Variants in LAIR1 observed in about 807,000 individuals in gnomAD.
LAIR1 encodes leukocyte associated immunoglobulin like receptor 1, also known as leukocyte-associated immunoglobulin-like receptor 1.
Under a neutral mutation model 32.8 loss-of-function variants are expected in LAIR1, and 24 were observed. The ratio of observed to expected loss-of-function variants is 0.73; its 90% CI spans 0.53 to 1.03. The LOEUF is 1.03. Among genes scored for constraint, LAIR1 ranks in the 50% least tolerant of loss-of-function variants. The pLI is 0.00. For synonymous variants in LAIR1, 150 were observed against 140.5 expected, an observed-to-expected ratio of 1.07 and a Z score of -0.48; for missense variants, 355 against 347.5, an observed-to-expected ratio of 1.02 and a Z score of -0.17.
chr19:54,355,900 A>AT lies in LAIR1; in HGVS notation c.717+53dup, dbSNP rs1481999462. The AT allele has an allele frequency of 1.3e-5, 16 of 1,268,048 alleles. No individual in the cohort carries two copies. In the South Asian group the frequency reaches 1.3e-4, roughly 10 times the overall value. The allele number at this position is 1,268,048 out of a possible 1,614,324, so 78.5% of individuals were successfully genotyped here. A position where few individuals can be genotyped will look rare whatever the true frequency, so the allele number is the denominator to read the frequency against. ...TGAATTCCTAACCCAAGGAACTGAG[A>AT]TTTTTTTAAGCTGCTAAATTTGGGG... On this transcript the variant is annotated intron_variant, in intron 9 of 9. Coordinates refer to ENST00000391742, the MANE Select transcript of LAIR1 (RefSeq NM_002287.6). This position sits in a 1 kb window ranked among gnomAD's most constrained non-coding sequence, Gnocchi z 4.7.
At position 54,364,760 on chromosome 19, in the gene LAIR1, C is replaced by G. The variant is rs747200159; in HGVS notation, c.34+11G>C. On this transcript the variant is annotated intron_variant, in intron 1 of 9. Transcript: ENST00000391742. The surrounding 1 kb of genome is among the most constrained non-coding windows in gnomAD (Gnocchi z 4.8). ...CCCCTTTCCAGCCTCCCGGCTGCCTCCAGGACTCACCTAGGCCCAGGAGGG... is the reference window on the plus strand; with the variant it reads ...CCCCTTTCCAGCCTCCCGGCTGCCTGCAGGACTCACCTAGGCCCAGGAGGG... The G allele has an allele frequency of 3.1e-6, 5 of 1,612,912 alleles. No homozygotes were observed. Among genetic ancestry groups the G allele is most frequent in the Non-Finnish European group, 4.2e-6 (5 of 1,178,990 alleles).
In LAIR1 at chr19:54,355,429, C is replaced by T; in HGVS notation, c.718-15G>A. 1 of 1,585,474 alleles carries T rather than the reference C, an allele frequency of 6.3e-7. No individual in the cohort carries two copies. Among genetic ancestry groups the T allele is most frequent in the Non-Finnish European group, 8.6e-7 (1 of 1,166,248 alleles). ...GCAGCCAGGGCCTAAGAGGGAGAGA[C>T]CCAGGGTGAGGGAGTGCCTGGTGGA... On this transcript the variant is annotated splice_polypyrimidine_tract_variant and intron_variant, in intron 9 of 9. Transcript: ENST00000391742. The surrounding 1 kb of genome is among the most constrained non-coding windows in gnomAD (Gnocchi z 4.7).
Position 54,351,993 on chromosome 19 carries a change from C to T in LAIR1, c.*3275G>A, listed in dbSNP as rs554974566. On this transcript the variant is annotated 3_prime_UTR_variant, in exon 10 of 10. Coordinates refer to ENST00000391742, the MANE Select transcript of LAIR1 (RefSeq NM_002287.6). ...TCTTTCCCCTACTACAAAATCCCACCGCTGGGGTCCTGGTACCTACAGTGA... is the reference window on the plus strand; with the variant it reads ...TCTTTCCCCTACTACAAAATCCCACTGCTGGGGTCCTGGTACCTACAGTGA... 11 of 152,272 alleles carry T rather than the reference C, an allele frequency of 7.2e-5. No individual in the cohort carries two copies. Among genetic ancestry groups the T allele is most frequent in the African/African-American group, 9.6e-5 (4 of 41,550 alleles). 9.4% of individuals were successfully genotyped at this position (152,272 alleles called of 1,614,324 possible).
chr19:54,359,581 C>G (rs1375429031), intron 4 of LAIR1, among the ~76,000 whole-genome samples: 2 of 152,204 alleles, frequency 1.3e-5, no homozygotes. Flanking sequence ...AGGTGCAGAG[C>G]GGGGTGAATG....
intron 2 of LAIR1, among the ~76,000 whole-genome samples, chr19:54,361,865 C>G (rs4021846): frequency 2.9e-4 from 44 of 152,310 alleles, no homozygotes; most frequent in East Asian, 7.7e-4. Context: ...GCATTTCCTT[C>G]TTATTAAGGC....
At chr19:54,357,401 T>A (rs1439052025) in intron 4 of LAIR1, 1 of 159,442 alleles carries the variant, frequency 6.3e-6, no homozygotes, top group African/African-American at 2.4e-5. Flanking sequence ...CTTCCCTCCC[T>A]GACCTCCTTC....
chr19:54,368,915 G>T (rs1447305714), upstream of LAIR1, among the ~76,000 whole-genome samples: 1 of 150,998 alleles, frequency 6.6e-6, no homozygotes, highest in Admixed American at 6.6e-5. Flanking sequence ...TCGAACTCCC[G>T]ACCTCAGGTG....
At chr19:54,368,986 C>T (rs979355065), upstream of LAIR1, among the ~76,000 whole-genome samples, 2 of 151,134 alleles carry the variant, frequency 1.3e-5, no homozygotes, top group East Asian at 1.9e-4. Context: ...TGCACCCGGC[C>T]GACTAATTCA....
In LAIR1 at chr19:54,364,799, A is replaced by C. The variant is rs2082191838; in HGVS notation, c.6T>G (p.Ser2=). The C allele has an allele frequency of 1.9e-6, 3 of 1,614,000 alleles. No homozygotes were observed. Among genetic ancestry groups the C allele is most frequent in the Non-Finnish European group, 2.5e-6 (3 of 1,179,950 alleles). ...GGCCCAGGAGGGCGGTGGGGTGGGG[A>C]GACATGGCCCAGGTCCCAGCAGTGC... is the stretch of plus-strand genomic sequence containing the variant. M[S]PHPTALLGLV... Residue 2 remains serine, a synonymous_variant, in exon 1 of 10, where the codon TCT becomes TCG. Coordinates refer to ENST00000391742, the MANE Select transcript of LAIR1 (RefSeq NM_002287.6). This position sits in a 1 kb window ranked among gnomAD's most constrained non-coding sequence, Gnocchi z 4.8.
chr19:54,351,919 TAACA>T lies in LAIR1; in HGVS notation c.*3345_*3348del, dbSNP rs2081540529. The T allele has an allele frequency of 6.6e-6, 1 of 152,142 alleles. No individual in the cohort carries two copies. 9.4% of individuals were successfully genotyped at this position (152,142 alleles called of 1,614,324 possible). On this transcript the variant is annotated 3_prime_UTR_variant, in exon 10 of 10. Transcript: ENST00000391742. ...AAAAAAGTCCACCCTATAGTTTGTA[TAACA>T]AACATTCTCACTTGTTCATGCTGTA...
rs528724168 is a variant in LAIR1, at chr19:54,362,297, G to A, written c.71-1088C>T. ...GACGAAATTTTCTATCCTTTGACCAGCATCTCCCCAAACCCACCCATTTGT... is the reference window on the plus strand; with the variant it reads ...GACGAAATTTTCTATCCTTTGACCAACATCTCCCCAAACCCACCCATTTGT... On this transcript the variant is annotated intron_variant, in intron 2 of 9. Coordinates refer to ENST00000391742, the MANE Select transcript of LAIR1 (RefSeq NM_002287.6). 2.8e-3 allele frequency among the ~76,000 whole-genome samples: 432 copies of A among 152,190 alleles called. 1 individual carries two copies. The highest frequency in any genetic ancestry group is 0.01 in the African/African-American group (416 of 41,518).
upstream of LAIR1, chr19:54,368,080 T>G (rs1472714633): frequency 2.0e-5 from 3 of 152,126 alleles, no homozygotes; most frequent in African/African-American, 7.2e-5. Context: ...CCTAATTTTT[T>G]GTAATGCCTA....
upstream of LAIR1, among the ~76,000 whole-genome samples, chr19:54,374,453 C>T (rs1312328523): frequency 1.3e-5 from 2 of 152,120 alleles, no homozygotes; most frequent in African/African-American, 2.4e-5. Flanking sequence ...ACACGGCCCA[C>T]TCCGTTTCCT....
chr19:54,365,620 G>A (rs571307716), upstream of LAIR1, among the ~76,000 whole-genome samples: 3 of 152,170 alleles, frequency 2.0e-5, no homozygotes, highest in African/African-American at 7.2e-5. Flanking sequence ...GTGAAACCCT[G>A]TCTCTACTAA....
At chr19:54,375,171 C>T (rs1413853828), upstream of LAIR1, among the ~76,000 whole-genome samples, 2 of 152,234 alleles carry the variant, frequency 1.3e-5, no homozygotes, top group African/African-American at 4.8e-5. Context: ...CATCTCTGCT[C>T]CCTCTTCGAT....
upstream of LAIR1, among the ~76,000 whole-genome samples, chr19:54,365,300 C>T (rs1220568243): frequency 6.6e-6 from 1 of 151,886 alleles, no homozygotes; most frequent in Non-Finnish European, 1.5e-5. Flanking sequence ...AGGTATTTAA[C>T]ACGTTAAAAA....
At chr19:54,367,826 G>A (rs1448030359), upstream of LAIR1, among the ~76,000 whole-genome samples, 1 of 140,008 alleles carries the variant, frequency 7.1e-6, no homozygotes, top group African/African-American at 2.7e-5. Flanking sequence ...ACTGCGGACT[G>A]CAGTGGCGCA....
upstream of LAIR1, among the ~76,000 whole-genome samples, chr19:54,370,836 C>T (rs1160630202): frequency 6.6e-6 from 1 of 150,636 alleles, no homozygotes; most frequent in African/African-American, 2.5e-5. Context: ...ATCTCTGTCC[C>T]AATCCTTCTA....
chr19:54,364,783 G>A lies in LAIR1; in HGVS notation c.22C>T (p.Leu8Phe), dbSNP rs2082190075. The A allele has an allele frequency of 6.2e-7, 1 of 1,614,014 alleles. No homozygotes were observed. The highest frequency in any genetic ancestry group is 1.1e-5 in the South Asian group (1 of 91,070). The change falls in exon 1 of 10, where the codon CTC (leucine) becomes TTC (phenylalanine). Residue 8 changes from leucine to phenylalanine, a missense_variant. By Grantham distance (22) the Leu-to-Phe change is conservative. Transcript: ENST00000391742. This position sits in a 1 kb window ranked among gnomAD's most constrained non-coding sequence, Gnocchi z 4.8. Reference protein sequence around the residue: MSPHPTALLGLVLCLAQT... With the variant: MSPHPTAFLGLVLCLAQT... ...CTCCAGGACTCACCTAGGCCCAGGA[G>A]GGCGGTGGGGTGGGGAGACATGGCC...
Sources: allele counts gnomAD v4.1 joint callset (sites outside exome capture counted in the v4.1 genomes callset), GRCh38; gene constraint gnomAD v4.1.1; non-coding constraint Gnocchi (gnomAD v3.1); transcripts MANE v1.5; gene names NCBI Gene and HGNC (gene_info 2026-07-23, HGNC 2026-07-21).